Variants in GRB10 observed in about 807,000 individuals in gnomAD.
GRB10 encodes the protein growth factor receptor bound protein 10.
Under a neutral mutation model 80.9 loss-of-function variants are expected in GRB10, and 20 were observed. The ratio of observed to expected loss-of-function variants is 0.25; its 90% CI spans 0.17 to 0.36. The LOEUF (loss-of-function observed/expected upper bound fraction) is 0.36, where lower values mean the gene tolerates loss of function less well. Among genes scored for constraint, GRB10 ranks in the 10% least tolerant of loss-of-function variants. The probability of loss-of-function intolerance (pLI) is 1.00; values close to 1 mark genes in which losing one functional copy is unlikely to be tolerated. For synonymous variants in GRB10, 291 were observed against 291.5 expected (o/e 1.00, Z 0.02); for missense variants, 548 against 747.7 (o/e 0.73, Z 3.12).
chr7:50,693,564 A>C (rs188579685), intron 5 of GRB10, among the ~76,000 whole-genome samples: 1 of 152,332 alleles, frequency 6.6e-6, no homozygotes, highest in East Asian at 1.9e-4. Flanking sequence ...GTCAGGAGTT[A>C]AGTGTTTGTG....
At chr7:50,716,438 C>A (rs188469639) in intron 4 of GRB10, among the ~76,000 whole-genome samples, 294 of 151,878 alleles carry the variant, frequency 1.9e-3, no homozygotes, top group Admixed American at 4.1e-3. Flanking sequence ...TGACTGGGAT[C>A]GAAACAAAAA....
intron 2 of GRB10, among the ~76,000 whole-genome samples, chr7:50,770,304 C>T (rs181411875): frequency 2.9e-4 from 44 of 152,302 alleles, no homozygotes; most frequent in Non-Finnish European, 4.0e-4. Context: ...ATAATAGTTA[C>T]GGACCAAGTA....
At position 50,694,759 on chromosome 7, in the gene GRB10, A is replaced by G. The variant is rs190263839; in HGVS notation, c.139+9062T>C. On this transcript the variant is annotated intron_variant, in intron 5 of 18. Transcript: ENST00000401949. ...GAAAATTCTGCAGTTTGGTGAGTAC[A>G]CTGTAATGGCACAATCATTCATTTC... 2.0e-4 allele frequency among the ~76,000 whole-genome samples: 30 copies of G among 152,328 alleles called. No individual in the cohort carries two copies. The East Asian group carries it at 4.8e-3, about 24-fold the overall frequency.
chr7:50,599,225 A>T (rs1043397382), intron 17 of GRB10, among the ~76,000 whole-genome samples: 3 of 152,118 alleles, frequency 2.0e-5, no homozygotes, highest in Non-Finnish European at 4.4e-5. Flanking sequence ...TTTCAGGAAT[A>T]CTTGACGGGC....
intron 5 of GRB10, among the ~76,000 whole-genome samples, chr7:50,682,252 G>A (rs1186465985): frequency 2.0e-5 from 3 of 152,236 alleles, no homozygotes; most frequent in African/African-American, 7.2e-5. Flanking sequence ...TCCAGAGTGT[G>A]GTGAGTCACT....
At chr7:50,678,322 T>C (rs79908784) in intron 5 of GRB10, among the ~76,000 whole-genome samples, 1 of 152,378 alleles carries the variant, frequency 6.6e-6, no homozygotes, top group East Asian at 1.9e-4. Flanking sequence ...ATACATTCAA[T>C]CATGAATATT....
intron 3 of GRB10, among the ~76,000 whole-genome samples, chr7:50,746,399 G>A (rs1225012728): frequency 6.6e-6 from 1 of 152,160 alleles, no homozygotes; most frequent in Non-Finnish European, 1.5e-5. Flanking sequence ...CGACATTTGT[G>A]TCTTATGATG....
At chr7:50,664,847 A>G (rs1253171199) in intron 7 of GRB10, among the ~76,000 whole-genome samples, 1 of 152,272 alleles carries the variant, frequency 6.6e-6, no homozygotes, top group African/African-American at 2.4e-5. Flanking sequence ...GTCACAAAGC[A>G]GTTAAAAATA....
intron 4 of GRB10, among the ~76,000 whole-genome samples, chr7:50,723,712 G>A (rs1587499231): frequency 1.3e-5 from 2 of 152,234 alleles, no homozygotes; most frequent in South Asian, 4.1e-4. Flanking sequence ...AGGTATAACT[G>A]TCAGCCTCAC....
intron 5 of GRB10, among the ~76,000 whole-genome samples, chr7:50,697,544 A>C (rs1304803040): frequency 2.6e-5 from 4 of 152,238 alleles, no homozygotes; most frequent in Non-Finnish European, 5.9e-5. Flanking sequence ...GGAAAGTCAC[A>C]GCTAATCTTT....
chr7:50,665,704 G>A (rs1023068194), intron 7 of GRB10, among the ~76,000 whole-genome samples: 4 of 152,210 alleles, frequency 2.6e-5, no homozygotes, highest in Non-Finnish European at 5.9e-5. Context: ...AAGCACCTGG[G>A]CAGGACCCCA....
At chr7:50,613,434 G>A (rs73131015) in intron 12 of GRB10, among the ~76,000 whole-genome samples, 12,640 of 152,162 alleles carry the variant, frequency 0.083, 796 homozygotes, top group South Asian at 0.13. Context: ...GCACCATGGG[G>A]AGAAGACAGG....
chr7:50,675,817 G>A (rs963560649), intron 5 of GRB10, among the ~76,000 whole-genome samples: 1 of 152,144 alleles, frequency 6.6e-6, no homozygotes, highest in Admixed American at 6.5e-5. Context: ...GAGATGGGGA[G>A]GGGTTGGGGT....
intron 7 of GRB10, among the ~76,000 whole-genome samples, chr7:50,665,156 T>C (rs1000001901): frequency 6.6e-6 from 1 of 152,188 alleles, no homozygotes; most frequent in African/African-American, 2.4e-5. Context: ...AAACCATACA[T>C]CACGGTTCCT....
At chr7:50,759,799 C>T (rs1048429742) in intron 2 of GRB10, among the ~76,000 whole-genome samples, 13 of 152,172 alleles carry the variant, frequency 8.5e-5, no homozygotes, top group African/African-American at 3.1e-4. Flanking sequence ...TGCCCAATCC[C>T]AGGAAGGCCC....
intron 7 of GRB10, among the ~76,000 whole-genome samples, chr7:50,643,417 G>A (rs540462400): frequency 6.6e-6 from 1 of 152,180 alleles, no homozygotes; most frequent in Non-Finnish European, 1.5e-5. Context: ...AAACCAAAAT[G>A]GCCCTTCAAG....
chr7:50,752,040 A>C (rs1396199599), intron 3 of GRB10, among the ~76,000 whole-genome samples: 1 of 152,208 alleles, frequency 6.6e-6, no homozygotes, highest in Non-Finnish European at 1.5e-5. Context: ...AAGGGGCATG[A>C]ATGATGCCTG....
intron 5 of GRB10, among the ~76,000 whole-genome samples, chr7:50,696,240 T>C (rs2063400460): frequency 6.6e-6 from 1 of 152,228 alleles, no homozygotes; most frequent in Non-Finnish European, 1.5e-5. Context: ...TTGCAAGGCT[T>C]TTGTTAGACA....
Position 50,604,100 on chromosome 7 carries a change from CAGG to C in GRB10, c.1457-18_1457-16del. On this transcript the variant is annotated splice_polypyrimidine_tract_variant and intron_variant, in intron 16 of 18. Transcript: ENST00000401949. The stretch of plus-strand genomic sequence containing the variant: ...CCTGTGAATCACTGTGGGGGGAAGA[CAGG>C]AGGAGGGTAGGATGGTGGTGCCTCT... 7 of 1,606,166 alleles carry C rather than the reference CAGG, an allele frequency of 4.4e-6. No homozygotes were observed. The highest frequency in any genetic ancestry group is 6.0e-6 in the Non-Finnish European group (7 of 1,172,822).
Sources: gnomAD v4.1 joint callset for allele counts (sites outside exome capture counted in the v4.1 genomes callset) on GRCh38, gnomAD v4.1.1 for gene constraint, MANE v1.5 for transcripts, NCBI Gene and HGNC (gene_info 2026-07-23, HGNC 2026-07-21) for gene names.